Variants in ADGRG3 observed in about 807,000 individuals in gnomAD.
ADGRG3 encodes the protein G protein-coupled receptor 97.
In ADGRG3, 39 loss-of-function variants were observed where a neutral mutation model predicts 54.3. The ratio of observed to expected loss-of-function variants is 0.72; its 90% CI spans 0.56 to 0.94. ADGRG3 has a LOEUF of 0.94. ADGRG3 is among the 40% of genes least tolerant of loss of function. ADGRG3 has a pLI of 0.00. For missense variants in ADGRG3, 654 were observed against 694.6 expected, an observed-to-expected ratio of 0.94 and a Z score of 0.66; for synonymous variants, 312 against 290.0, an observed-to-expected ratio of 1.08 and a Z score of -0.77.
chr16:57,687,913 G>A (rs867731351), intron 11 of ADGRG3, among the ~76,000 whole-genome samples: 1 of 152,150 alleles, frequency 6.6e-6, no homozygotes, highest in Non-Finnish European at 1.5e-5. Flanking sequence ...CTCAATATTT[G>A]TCTTGCATAT....
chr16:57,678,417 C>T lies in ADGRG3; in HGVS notation c.492+101C>T, dbSNP rs1441583718. 4 of 1,165,996 alleles carry T rather than the reference C, an allele frequency of 3.4e-6. 1 individual carries two copies. In the African/African-American group the frequency reaches 4.6e-5, roughly 13 times the overall value. The allele number at this position is 1,165,996 out of a possible 1,614,324, so 72.2% of individuals were successfully genotyped here. A position where few individuals can be genotyped will look rare whatever the true frequency, so the allele number is the denominator to read the frequency against. On this transcript the variant is annotated intron_variant, in intron 4 of 11. Transcript: ENST00000333493. ...AGCCTGCCGAGGGATCCAATGGGGA[C>T]AGAGCAGGCAGTGAGCCTCTTAGTG...
Position 57,688,707 on chromosome 16 carries a change from C to G in ADGRG3, c.*246C>G, listed in dbSNP as rs1424411408. Reference sequence around the variant, plus strand: ...CTATAGTCCTGAGACCCCCTGCCAGCAAAGAGTGACAGTCACCTCCATGCC... The same window carrying G: ...CTATAGTCCTGAGACCCCCTGCCAGGAAAGAGTGACAGTCACCTCCATGCC... On this transcript the variant is annotated 3_prime_UTR_variant, in exon 12 of 12. Transcript: ENST00000333493. 3 of 470,664 alleles carry G rather than the reference C, an allele frequency of 6.4e-6. No individual in the cohort carries two copies. The highest frequency in any genetic ancestry group is 3.9e-5 in the African/African-American group (2 of 51,418). The allele number at this position is 470,664 out of a possible 1,614,324, so 29.2% of individuals were successfully genotyped here.
intron 11 of ADGRG3, 91 bp downstream of exon 11, chr16:57,686,017 G>C: frequency 7.7e-7 from 1 of 1,304,154 alleles, no homozygotes; most frequent in Non-Finnish European, 1.1e-6. Flanking sequence ...GCAAGACACA[G>C]GACTCTGTTC....
In ADGRG3 at chr16:57,676,198, A is replaced by G. The variant is rs1194501558; in HGVS notation, c.207-2A>G. On this transcript the variant is annotated splice_acceptor_variant, in intron 2 of 11. Coordinates refer to ENST00000333493, the MANE Select transcript of ADGRG3 (RefSeq NM_170776.5). LOFTEE classifies it high-confidence loss of function. The stretch of plus-strand genomic sequence containing the variant: ...CCTCCCCCCATCCCTGGCCCTTTGC[A>G]GATACTGGCTAAACTACGAGGCCCA... The G allele has an allele frequency of 1.2e-6, 2 of 1,613,648 alleles. No individual in the cohort carries two copies. Among genetic ancestry groups the G allele is most frequent in the African/African-American group, 2.7e-5 (2 of 74,868 alleles).
chr16:57,671,767 T>C (rs1016299194), intron 1 of ADGRG3, among the ~76,000 whole-genome samples: 1 of 152,140 alleles, frequency 6.6e-6, no homozygotes, highest in Non-Finnish European at 1.5e-5. Flanking sequence ...TGAAAAACAA[T>C]GTCCACCAAG....
At position 57,678,206 on chromosome 16, in the gene ADGRG3, C is replaced by T; in HGVS notation, c.382C>T (p.Pro128Ser). Residue 128 changes from proline (P) to serine (S), a missense_variant, in exon 4 of 12, where the codon CCT becomes TCT. By Grantham distance (74) the Pro-to-Ser change is moderately conservative. Coordinates refer to ENST00000333493, the MANE Select transcript of ADGRG3 (RefSeq NM_170776.5). The stretch of plus-strand genomic sequence containing the variant: ...GGTGATGAAGGACGAGGACAAGCCC[C>T]CTGACAGAGTGCGACTTCCCAAGAG... ...RQVMKDEDKP[P>S]DRVRLPKSLF... 6.2e-7 allele frequency: 1 copy of T among 1,614,194 alleles called. No individual in the cohort carries two copies. The highest frequency in any genetic ancestry group is 1.1e-5 in the South Asian group (1 of 91,088).
At position 57,685,786 on chromosome 16, in the gene ADGRG3, A is replaced by G; in HGVS notation, c.1400A>G (p.Lys467Arg). The G allele has an allele frequency of 6.2e-7, 1 of 1,614,202 alleles. No individual in the cohort carries two copies. Among genetic ancestry groups the G allele is most frequent in the Non-Finnish European group, 8.5e-7 (1 of 1,180,044 alleles). The stretch of plus-strand genomic sequence containing the variant: ...ACCCTGTCCCGTGCTACAGCGGTCA[A>G]GGAGCGGGGGAAGAACCGGAAGAAG... Reference protein sequence around the residue: ...IFTLSRATAVKERGKNRKKVL... With the variant: ...IFTLSRATAVRERGKNRKKVL... Residue 467 changes from lysine (K) to arginine (R), a missense_variant, in exon 11 of 12, where the codon AAG becomes AGG. Physicochemically the swap from Lys to Arg is conservative, Grantham distance 26. Coordinates refer to ENST00000333493, the MANE Select transcript of ADGRG3 (RefSeq NM_170776.5).
At position 57,668,439 on chromosome 16, in the gene ADGRG3, G is replaced by A. The variant is rs756109909; in HGVS notation, c.58+34G>A. The A allele has an allele frequency of 3.2e-6, 5 of 1,538,730 alleles. No homozygotes were observed. In the African/African-American group the frequency reaches 5.4e-5, roughly 17 times the overall value. On this transcript the variant is annotated intron_variant, in intron 1 of 11. Transcript: ENST00000333493. ...CTGGCACCTCATCCCCTCCTGCCAC[G>A]CTGGGCCGACCCTGCCCTGCCGAGG...
intron 8 of ADGRG3, 142 bp downstream of exon 8, chr16:57,680,759 G>A: frequency 1.6e-6 from 1 of 642,024 alleles, no homozygotes; most frequent in Non-Finnish European, 2.8e-6. Context: ...AATGGGGTTG[G>A]GGGTTGAAAT....
chr16:57,667,060 G>A (rs1181537979), upstream of ADGRG3, among the ~76,000 whole-genome samples: 2 of 152,236 alleles, frequency 1.3e-5, no homozygotes, highest in African/African-American at 4.8e-5. Flanking sequence ...GGAAGTTTCT[G>A]GGGCTCAGGA....
In ADGRG3 at chr16:57,673,544, C is replaced by A; in HGVS notation, c.206+76C>A. On this transcript the variant is annotated intron_variant, in intron 2 of 11. Transcript: ENST00000333493. Reference sequence around the variant, plus strand: ...GACTATCAGGAAGGGATGGGGCCATCTTCCCCCATGGCCCCAGAAAATGTT... The same window carrying A: ...GACTATCAGGAAGGGATGGGGCCATATTCCCCCATGGCCCCAGAAAATGTT... 5 of 1,368,118 alleles carry A rather than the reference C, an allele frequency of 3.7e-6. 1 individual carries two copies. Among genetic ancestry groups the A allele is most frequent in the Non-Finnish European group, 5.0e-6 (5 of 992,780 alleles). 84.7% of individuals were successfully genotyped at this position (1,368,118 alleles called of 1,614,324 possible).
chr16:57,679,713 A>G (rs2048328399), intron 5 of ADGRG3, 103 bp from the exon 6 acceptor site: 4 of 899,112 alleles, frequency 4.4e-6, no homozygotes, highest in Non-Finnish European at 7.6e-6. Context: ...TACCTAATGC[A>G]CACTCACACT....
chr16:57,680,850 T>C (rs1241023052), intron 8 of ADGRG3, among the ~76,000 whole-genome samples: 1 of 152,220 alleles, frequency 6.6e-6, no homozygotes, highest in African/African-American at 2.4e-5. Flanking sequence ...GTGGTTCACG[T>C]AACTGAGAAT....
At chr16:57,676,598 G>T (rs997581138) in intron 3 of ADGRG3, among the ~76,000 whole-genome samples, 1 of 152,198 alleles carries the variant, frequency 6.6e-6, no homozygotes, top group Admixed American at 6.5e-5. Context: ...TGCTGGTCTG[G>T]ATTCAAATCC....
At chr16:57,685,360 G>A (rs2048454076) in intron 10 of ADGRG3, among the ~76,000 whole-genome samples, 1 of 152,188 alleles carries the variant, frequency 6.6e-6, no homozygotes, top group South Asian at 2.1e-4. Context: ...CAGAAATCTA[G>A]GTGTTTATAC....
At position 57,685,933 on chromosome 16, in the gene ADGRG3, C is replaced by T; in HGVS notation, c.1540+7C>T. The T allele has an allele frequency of 6.2e-7, 1 of 1,612,318 alleles. No homozygotes were observed. Among genetic ancestry groups the T allele is most frequent in the Non-Finnish European group, 8.5e-7 (1 of 1,178,770 alleles). On this transcript the variant is annotated splice_region_variant and intron_variant, in intron 11 of 11. Transcript: ENST00000333493. ...CTTTTCAACTCCTTGCAAGGTGAGG[C>T]CCCTGCACCAGGGAGGTGATGGGCT...
intron 11 of ADGRG3, 170 bp downstream of exon 11, chr16:57,686,096 C>A: frequency 1.5e-6 from 1 of 665,770 alleles, no homozygotes; most frequent in Non-Finnish European, 2.6e-6. Context: ...CAAAGTTTGG[C>A]TGCTGTATTA....
intron 8 of ADGRG3, chr16:57,682,674 C>G (rs1159399162): frequency 1.0e-6 from 1 of 977,928 alleles, no homozygotes; most frequent in Non-Finnish European, 1.2e-6. Context: ...CCCCGGCTCC[C>G]CTCCCTCGGC....
intron 2 of ADGRG3, chr16:57,674,579 C>T (rs545161911): frequency 2.2e-6 from 1 of 455,504 alleles, no homozygotes; most frequent in Admixed American, 2.4e-5. Flanking sequence ...GCTTCCATTC[C>T]CACCTGCAGG....
Sources: allele counts gnomAD v4.1 joint callset (sites outside exome capture counted in the v4.1 genomes callset), GRCh38; gene constraint gnomAD v4.1.1; transcripts MANE v1.5; gene names NCBI Gene and HGNC (gene_info 2026-07-23, HGNC 2026-07-21).